The following ADCY7 variants were observed in gnomAD, a reference collection of about 807,000 sequenced individuals.
ADCY7 encodes the protein adenylate cyclase 7.
In ADCY7, 72 loss-of-function variants were observed where a neutral mutation model predicts 120.6. The observed-to-expected ratio is 0.60, with a 90% CI of 0.49 to 0.73. The LOEUF is 0.73. ADCY7 is among the 30% of genes least tolerant of loss of function. The probability of loss-of-function intolerance (pLI) is 0.00; values close to 1 mark genes in which losing one functional copy is unlikely to be tolerated. For synonymous variants in ADCY7, 661 were observed against 628.0 expected (o/e 1.05, Z -0.78); for missense variants, 1,227 against 1,486.0 (o/e 0.83, Z 2.87).
At chr16:50,289,614 T>A (rs1013081011) in intron 2 of ADCY7, among the ~76,000 whole-genome samples, 10 of 152,208 alleles carry the variant, frequency 6.6e-5, no homozygotes, top group African/African-American at 2.4e-4. Flanking sequence ...TACAGGCCCA[T>A]GCCACCACGC....
intron 11 of ADCY7, 53 bp from the exon 12 acceptor site, chr16:50,304,872 C>T: frequency 6.2e-7 from 1 of 1,612,518 alleles, no homozygotes; most frequent in Non-Finnish European, 8.5e-7. Context: ...CAGTGGCCTT[C>T]AGGGCCCAGT....
upstream of ADCY7, among the ~76,000 whole-genome samples, chr16:50,245,694 A>C (rs1430018184): frequency 6.6e-6 from 1 of 151,952 alleles, no homozygotes; most frequent in Non-Finnish European, 1.5e-5. Context: ...GCTTGGGAGG[A>C]GGGCACTGGC....
Position 50,288,244 on chromosome 16 carries a change from AC to A in ADCY7, c.66del (p.Tyr22Ter). On this transcript the variant is annotated frameshift_variant, in exon 2 of 26. Transcript: ENST00000673801. LOFTEE classifies it high-confidence loss of function. Reference protein sequence around the residue: ...GEEGPDQDALYEKYQLTSQHG... With the variant: ...GEEGPDQDALXEKYQLTSQHG... ...GAGGGCCCTGACCAAGATGCGCTCT[AC>A]GAGAAGTACCAGCTCACCAGCCAGC... is the stretch of plus-strand genomic sequence containing the variant. 6.4e-7 allele frequency: 1 copy of A among 1,551,450 alleles called. No individual in the cohort carries two copies. The highest frequency in any genetic ancestry group is 1.2e-5 in the South Asian group (1 of 84,050).
chr16:50,305,583 C>G lies in ADCY7; in HGVS notation c.1676C>G (p.Thr559Arg). 1 of 1,598,258 alleles carries G rather than the reference C, an allele frequency of 6.3e-7. No individual in the cohort carries two copies. The highest frequency in any genetic ancestry group is 8.5e-7 in the Non-Finnish European group (1 of 1,170,938). Residue 559 changes from threonine (T) to arginine (R), a missense_variant, in exon 13 of 26, where the codon ACG (threonine) becomes AGG (arginine). This residue lies in a region of ADCY7 where 332 missense variants were observed against 455.8 expected (regional missense o/e 0.73). Coordinates refer to ENST00000673801, the MANE Select transcript of ADCY7 (RefSeq NM_001114.5). ...TCAGCCATTGAGGGGCTCAGCTCCACGAGGTGAGGTCTGAGACCTCTGTCC... is the reference window on the plus strand; with the variant it reads ...TCAGCCATTGAGGGGCTCAGCTCCAGGAGGTGAGGTCTGAGACCTCTGTCC... ...MLSAIEGLSS[T>R]RPCCSKSDDF...
chr16:50,296,513 C>T (rs8049122), intron 7 of ADCY7, among the ~76,000 whole-genome samples: 30,975 of 151,928 alleles, frequency 0.2, 3,430 homozygotes, highest in Non-Finnish European at 0.25. Context: ...CCTGCCACCA[C>T]GCCTGGCTAA....
At chr16:50,258,932 C>T (rs13336468) in intron 1 of ADCY7, among the ~76,000 whole-genome samples, 2,413 of 152,242 alleles carry the variant, frequency 0.016, 74 homozygotes, top group African/African-American at 0.055. Context: ...AAAAACCTTC[C>T]GTATTCACCC....
At chr16:50,264,833 C>CTTT (rs34527039), upstream of ADCY7, among the ~76,000 whole-genome samples, 20 of 110,328 alleles carry the variant, frequency 1.8e-4, no homozygotes, top group Admixed American at 3.0e-4. Context: ...TGTGGGAGGT[C>CTTT]TTTTTTTTTT....
chr16:50,260,052 A>G (rs949383832), intron 1 of ADCY7, among the ~76,000 whole-genome samples: 1 of 152,160 alleles, frequency 6.6e-6, no homozygotes, highest in African/African-American at 2.4e-5. Flanking sequence ...TGGGGAGCTC[A>G]CCTCAGTCCC....
intron 1 of ADCY7, among the ~76,000 whole-genome samples, chr16:50,251,931 G>A (rs2032769589): frequency 6.6e-6 from 1 of 152,250 alleles, no homozygotes; most frequent in Non-Finnish European, 1.5e-5. Context: ...CACCTGGTGT[G>A]TGTGGGCAAT....
intron 1 of ADCY7, among the ~76,000 whole-genome samples, chr16:50,272,410 C>T (rs1029050578): frequency 6.6e-6 from 1 of 152,196 alleles, no homozygotes; most frequent in Non-Finnish European, 1.5e-5. Flanking sequence ...AGTCACACTG[C>T]CTCGGGCGCA....
chr16:50,256,661 T>A (rs1037089249), intron 1 of ADCY7, among the ~76,000 whole-genome samples: 11 of 151,948 alleles, frequency 7.2e-5, no homozygotes, highest in African/African-American at 2.7e-4. Context: ...TATGATCACA[T>A]CACTGCACTC....
At chr16:50,307,375 C>T (rs556920634) in intron 15 of ADCY7, among the ~76,000 whole-genome samples, 21 of 148,754 alleles carry the variant, frequency 1.4e-4, no homozygotes, top group African/African-American at 4.6e-4. Context: ...TCTCTCTCCT[C>T]AGCCACCTGT....
intron 1 of ADCY7, among the ~76,000 whole-genome samples, chr16:50,252,118 G>C (rs28709765): frequency 1.3e-5 from 2 of 152,162 alleles, no homozygotes; most frequent in Admixed American, 6.5e-5. Context: ...TGCAGGAGGA[G>C]CCCCCGGGCT....
chr16:50,291,955 T>TG lies in ADCY7; in HGVS notation c.537+65dup, dbSNP rs1052884134. On this transcript the variant is annotated intron_variant, in intron 4 of 25. Coordinates refer to ENST00000673801, the MANE Select transcript of ADCY7 (RefSeq NM_001114.5). ...TTTGTGGTCTGGGTCTAAGGGCAGA[T>TG]GGGGGGGCCCCCTCTGGGTGAATCA... 19 of 1,529,698 alleles carry TG rather than the reference T, an allele frequency of 1.2e-5. No individual in the cohort carries two copies. The East Asian group carries it at 1.4e-4, about 11-fold the overall frequency. 94.8% of individuals were successfully genotyped at this position (1,529,698 alleles called of 1,614,324 possible).
chr16:50,312,170 T>C lies in ADCY7; in HGVS notation c.2583T>C (p.Phe861=). The C allele has an allele frequency of 1.2e-6, 2 of 1,614,078 alleles. No individual in the cohort carries two copies. The highest frequency in any genetic ancestry group is 1.7e-6 in the Non-Finnish European group (2 of 1,180,008). Residue 861 remains phenylalanine (F), a synonymous_variant, in exon 21 of 26, where the codon TTT becomes TTC. Transcript: ENST00000673801. The part of the protein sequence containing the change: ...NVLPAHVAAH[F]IGDKLNEDWY... ...TGCCAGCCCACGTGGCTGCCCACTT[T>C]ATCGGTGACAAGTTAAACGAGGTGT...
At chr16:50,274,561 G>C (rs1450986331) in intron 1 of ADCY7, among the ~76,000 whole-genome samples, 5 of 152,196 alleles carry the variant, frequency 3.3e-5, no homozygotes, top group African/African-American at 1.2e-4. Flanking sequence ...CCTGGATCGG[G>C]TTCTCAGGAA....
chr16:50,305,438 C>T (rs1442652734), intron 12 of ADCY7, 65 bp from the exon 13 acceptor site: 3 of 1,449,094 alleles, frequency 2.1e-6, no homozygotes, highest in Non-Finnish European at 2.9e-6. Context: ...TCTACGTCCA[C>T]ACCCTCCTCT....
intron 1 of ADCY7, among the ~76,000 whole-genome samples, chr16:50,271,465 TG>T (rs1467202937): frequency 6.6e-6 from 1 of 152,178 alleles, no homozygotes; most frequent in Non-Finnish European, 1.5e-5. Flanking sequence ...AGCCCAGTGC[TG>T]CCGAGATGAA....
intron 1 of ADCY7, among the ~76,000 whole-genome samples, chr16:50,284,880 G>A (rs570980941): frequency 1.3e-5 from 2 of 152,378 alleles, no homozygotes; most frequent in Non-Finnish European, 2.9e-5. Context: ...TTGTGAAGAT[G>A]AGAGTGAATG....
Sources: gnomAD v4.1 joint callset for allele counts (sites outside exome capture counted in the v4.1 genomes callset) on GRCh38, gnomAD v4.1.1 for gene constraint, gnomAD v4.1.1 regional missense constraint, MANE v1.5 for transcripts, NCBI Gene and HGNC (gene_info 2026-07-23, HGNC 2026-07-21) for gene names.